Variants in CSMD1 observed in about 807,000 individuals in gnomAD.
CSMD1 encodes the protein CUB and Sushi multiple domains 1, also known as CUB and sushi domain-containing protein 1.
A neutral mutation model predicts 417.5 loss-of-function variants in CSMD1; 213 were observed. That is an observed-to-expected ratio of 0.51 (90% CI 0.46 to 0.57). CSMD1 has a LOEUF of 0.57. CSMD1 is among the 20% of genes least tolerant of loss of function. The pLI is 0.00. For synonymous variants in CSMD1, 2,862 were observed against 1,736.8 expected (o/e 1.65, Z -16.11); for missense variants, 6,923 against 4,529.7 (o/e 1.53, Z -15.17).
At chr8:4,685,888 A>T (rs1009488753) in intron 1 of CSMD1, among the ~76,000 whole-genome samples, 6 of 152,336 alleles carry the variant, frequency 3.9e-5, no homozygotes, top group Middle Eastern at 3.4e-3. Flanking sequence ...GGCCATGGCC[A>T]CCTTGATTCT....
intron 6 of CSMD1, among the ~76,000 whole-genome samples, chr8:3,724,222 A>T (rs1484634237): frequency 6.6e-6 from 1 of 151,528 alleles, no homozygotes; most frequent in East Asian, 1.9e-4. Context: ...TTATACTTTA[A>T]GTTTTAGGGT....
chr8:4,527,957 G>A (rs904274805), intron 2 of CSMD1, among the ~76,000 whole-genome samples: 3 of 152,136 alleles, frequency 2.0e-5, no homozygotes, highest in Non-Finnish European at 4.4e-5. Context: ...AGGGCACTCT[G>A]GATTGTATTC....
At chr8:4,810,633 A>G (rs1798843730) in intron 1 of CSMD1, among the ~76,000 whole-genome samples, 1 of 152,212 alleles carries the variant, frequency 6.6e-6, no homozygotes, top group Non-Finnish European at 1.5e-5. Context: ...AAATATGCAG[A>G]TAATATGATT....
intron 3 of CSMD1, among the ~76,000 whole-genome samples, chr8:4,068,923 T>C (rs1799400964): frequency 6.6e-6 from 1 of 152,192 alleles, no homozygotes; most frequent in African/African-American, 2.4e-5. Flanking sequence ...ATAATTATAA[T>C]TTTGTGGAGA....
chr8:3,470,713 C>A (rs1248265052), intron 11 of CSMD1, among the ~76,000 whole-genome samples: 1 of 152,068 alleles, frequency 6.6e-6, no homozygotes, highest in African/African-American at 2.4e-5. Context: ...CCCCTGGCAA[C>A]CACTAATCAG....
At chr8:3,838,314 T>C (rs138128981) in intron 5 of CSMD1, among the ~76,000 whole-genome samples, 176 of 152,048 alleles carry the variant, frequency 1.2e-3, no homozygotes, top group Middle Eastern at 3.4e-3. Context: ...GGCAGGAGGA[T>C]TGCTTGAGTC....
chr8:4,645,776 C>T (rs1205323940), intron 1 of CSMD1, among the ~76,000 whole-genome samples: 1 of 152,144 alleles, frequency 6.6e-6, no homozygotes, highest in Non-Finnish European at 1.5e-5. Flanking sequence ...GGGATTTGCC[C>T]TGTGCCTGCC....
chr8:4,565,560 C>A (rs1798555313), intron 2 of CSMD1, among the ~76,000 whole-genome samples: 2 of 151,744 alleles, frequency 1.3e-5, no homozygotes, highest in East Asian at 1.9e-4. Flanking sequence ...CATGGTGAAA[C>A]CCTGTCTCTA....
intron 1 of CSMD1, among the ~76,000 whole-genome samples, chr8:4,966,376 T>C (rs1454009613): frequency 6.6e-6 from 1 of 152,022 alleles, no homozygotes; most frequent in Admixed American, 6.6e-5. Flanking sequence ...TGAAACTCCA[T>C]CTCAAACAAA....
At chr8:3,555,188 G>A (rs766326364) in intron 10 of CSMD1, among the ~76,000 whole-genome samples, 1 of 151,952 alleles carries the variant, frequency 6.6e-6, no homozygotes, top group Non-Finnish European at 1.5e-5. Context: ...GTGTCTGGGA[G>A]GTGTAGGGAA....
At chr8:4,215,405 T>C (rs538542463) in intron 3 of CSMD1, among the ~76,000 whole-genome samples, 4 of 152,168 alleles carry the variant, frequency 2.6e-5, no homozygotes, top group Admixed American at 6.5e-5. Context: ...CAGGCAAAGA[T>C]ACCATGTCTG....
At chr8:3,031,432 T>G (rs1330882110) in intron 50 of CSMD1, among the ~76,000 whole-genome samples, 2 of 152,068 alleles carry the variant, frequency 1.3e-5, no homozygotes, top group East Asian at 1.9e-4. Flanking sequence ...ACCTGCACGT[T>G]GTGCACATGT....
chr8:3,165,161 T>C (rs1056685378), intron 37 of CSMD1, among the ~76,000 whole-genome samples: 2 of 152,078 alleles, frequency 1.3e-5, no homozygotes, highest in African/African-American at 4.8e-5. Context: ...CCTTCGCCAG[T>C]GTCACTACAC....
chr8:3,228,633 T>G (rs1358227712), intron 27 of CSMD1, among the ~76,000 whole-genome samples: 1 of 152,188 alleles, frequency 6.6e-6, no homozygotes, highest in Non-Finnish European at 1.5e-5. Context: ...AAGATCGATT[T>G]GTTTATAGAT....
At chr8:4,026,189 T>A (rs1797056295) in intron 4 of CSMD1, among the ~76,000 whole-genome samples, 1 of 152,200 alleles carries the variant, frequency 6.6e-6, no homozygotes, top group Admixed American at 6.5e-5. Flanking sequence ...GATCATTTTT[T>A]CTTTATAATC....
chr8:4,302,450 C>T (rs4535755), intron 3 of CSMD1, among the ~76,000 whole-genome samples: 97,617 of 152,024 alleles, frequency 0.64, 32,223 homozygotes, highest in East Asian at 0.85. Flanking sequence ...TTTTATCACA[C>T]ATATCGTGCA....
At chr8:3,898,809 T>C (rs1333381243) in intron 5 of CSMD1, among the ~76,000 whole-genome samples, 2 of 152,210 alleles carry the variant, frequency 1.3e-5, no homozygotes, top group African/African-American at 4.8e-5. Context: ...TCCCTAAATT[T>C]AATTAATAAA....
At chr8:3,330,475 G>A (rs148623962) in intron 23 of CSMD1, among the ~76,000 whole-genome samples, 150 of 152,270 alleles carry the variant, frequency 9.9e-4, no homozygotes, top group African/African-American at 3.3e-3. Context: ...GGGTATTATC[G>A]TTAGCAAACT....
At chr8:4,532,564 G>C (rs1401915316) in intron 2 of CSMD1, among the ~76,000 whole-genome samples, 1 of 134,392 alleles carries the variant, frequency 7.4e-6, no homozygotes, top group Admixed American at 8.1e-5. Context: ...CTCTGGAAGA[G>C]AAATCCTGCA....
Sources: allele counts gnomAD v4.1 joint callset (sites outside exome capture counted in the v4.1 genomes callset), GRCh38; gene constraint gnomAD v4.1.1; transcripts MANE v1.5; gene names NCBI Gene and HGNC (gene_info 2026-07-23, HGNC 2026-07-21).